Variants in ZBTB18 observed in about 807,000 individuals in gnomAD.
The protein encoded by ZBTB18 is zinc finger and BTB domain-containing protein 18.
A neutral mutation model predicts 37.7 loss-of-function variants in ZBTB18; 2 were observed. That is an observed-to-expected ratio of 0.05 (90% CI 0.02 to 0.17). The LOEUF (loss-of-function observed/expected upper bound fraction) is 0.17, where lower values mean the gene tolerates loss of function less well. Ranked by LOEUF, ZBTB18 falls within the 10% of genes least tolerant of loss-of-function variation. The pLI is 1.00. For synonymous variants in ZBTB18, 304 were observed against 276.5 expected (o/e 1.10, Z -0.99); for missense variants, 408 against 686.3 (o/e 0.59, Z 4.53).
rs1426317115 is a variant in ZBTB18 at position 244,051,417 on chromosome 1, G to A, written c.-15G>A. ...GGAGCCAGCAGGACTCAGAGGAAAG[G>A]ACTTAATCAGGTTTATGTGTCCTAA... On this transcript the variant is annotated 5_prime_UTR_variant, in exon 1 of 2. Transcript: ENST00000358704. The A allele has an allele frequency of 1.2e-5, 20 of 1,613,978 alleles. No individual in the cohort carries two copies. Among genetic ancestry groups the A allele is most frequent in the Non-Finnish European group, 1.7e-5 (20 of 1,180,000 alleles).
Position 244,053,066 on chromosome 1 carries a change from T to C in ZBTB18, c.14-722T>C, listed in dbSNP as rs900725389. Among the ~76,000 whole-genome samples the C allele has an allele frequency of 6.6e-6, 1 of 152,222 alleles. No individual in the cohort carries two copies. The highest frequency in any genetic ancestry group is 2.4e-5 in the African/African-American group (1 of 41,466). ...TTTGAAAAATCTTTGGATTTGTTCA[T>C]AGTAAAGATGATCTTTTCCATCTGT... is the stretch of plus-strand genomic sequence containing the variant. On this transcript the variant is annotated intron_variant, in intron 1 of 1. Transcript: ENST00000358704. The surrounding 1 kb of genome is among the most constrained non-coding windows in gnomAD (Gnocchi z 5.2).
upstream of ZBTB18, among the ~76,000 whole-genome samples, chr1:244,050,046 T>G (rs1190798063): frequency 6.6e-6 from 1 of 152,232 alleles, no homozygotes; most frequent in Non-Finnish European, 1.5e-5. Flanking sequence ...TTCATAATTA[T>G]GTCACTCACC....
At chr1:244,050,263 A>C (rs766642587), upstream of ZBTB18, among the ~76,000 whole-genome samples, 5 of 152,162 alleles carry the variant, frequency 3.3e-5, no homozygotes, top group Non-Finnish European at 7.3e-5. Context: ...TGTATTTGAC[A>C]TTCAGAGATG....
Position 244,054,191 on chromosome 1 carries a change from GGAA to G in ZBTB18, c.423_425del (p.Glu141del). ...CCACGGAGGCAGACAGCACCAAAAA[GGAA>G]GAAGATGCTTCAAGTTGTTCGGACA... On this transcript the variant is annotated inframe_deletion, in exon 2 of 2. Transcript: ENST00000358704. The surrounding 1 kb of genome is among the most constrained non-coding windows in gnomAD (Gnocchi z 9.0). The G allele has an allele frequency of 6.2e-7, 1 of 1,614,174 alleles. No individual in the cohort carries two copies. Among genetic ancestry groups the G allele is most frequent in the Non-Finnish European group, 8.5e-7 (1 of 1,180,038 alleles).
In ZBTB18 at chr1:244,053,711, A is replaced by C; in HGVS notation, c.14-77A>C. 1 of 1,526,290 alleles carries C rather than the reference A, an allele frequency of 6.6e-7. No homozygotes were observed. Among genetic ancestry groups the C allele is most frequent in the Non-Finnish European group, 8.8e-7 (1 of 1,139,886 alleles). 94.5% of individuals were successfully genotyped at this position (1,526,290 alleles called of 1,614,324 possible). On this transcript the variant is annotated intron_variant, in intron 1 of 1. Coordinates refer to ENST00000358704, the MANE Select transcript of ZBTB18 (RefSeq NM_205768.3). This position sits in a 1 kb window ranked among gnomAD's most constrained non-coding sequence, Gnocchi z 5.2. ...GTACCACGGCGGCCAAAGCGGAATT[A>C]ATTTTTTTATATGGGGACTGGAGCG...
In ZBTB18 at chr1:244,056,663, C is replaced by G. The variant is rs575317188; in HGVS notation, c.*1293C>G. 5.5e-5 allele frequency: 9 copies of G among 163,954 alleles called. No individual in the cohort carries two copies. Among genetic ancestry groups the G allele is most frequent in the Admixed American group, 1.3e-4 (2 of 15,000 alleles). 10.2% of individuals were successfully genotyped at this position (163,954 alleles called of 1,614,324 possible). A position where few individuals can be genotyped will look rare whatever the true frequency, so the allele number is the denominator to read the frequency against. On this transcript the variant is annotated 3_prime_UTR_variant, in exon 2 of 2. Transcript: ENST00000358704. ...TACCCTCCCTCCCTTACTCTCCCCC[C>G]CCACCACCACCCTCCACCCCCAACT...
chr1:244,053,167 A>G lies in ZBTB18; in HGVS notation c.14-621A>G, dbSNP rs1558148530. ...AAGGCATTAACATCTGTTTTTATAC[A>G]CAGGGCTTTTGTTGTAACACCCTGA... On this transcript the variant is annotated intron_variant, in intron 1 of 1. Coordinates refer to ENST00000358704, the MANE Select transcript of ZBTB18 (RefSeq NM_205768.3). The surrounding 1 kb of genome is among the most constrained non-coding windows in gnomAD (Gnocchi z 5.2). Among the ~76,000 whole-genome samples the G allele has an allele frequency of 6.6e-6, 1 of 152,200 alleles. No individual in the cohort carries two copies. The highest frequency in any genetic ancestry group is 2.4e-5 in the African/African-American group (1 of 41,452).
chr1:244,052,732 A>T (rs1178155608), intron 1 of ZBTB18, among the ~76,000 whole-genome samples: 5 of 152,208 alleles, frequency 3.3e-5, no homozygotes, highest in African/African-American at 1.2e-4. Context: ...GAAATATATC[A>T]AATTATATTG....
At chr1:244,048,520 A>C (rs1657912956), upstream of ZBTB18, among the ~76,000 whole-genome samples, 1 of 148,734 alleles carries the variant, frequency 6.7e-6, no homozygotes, top group Non-Finnish European at 1.5e-5. Context: ...GGAGGGAGGC[A>C]GGGGAAGGAG....
intron 1 of ZBTB18, among the ~76,000 whole-genome samples, chr1:244,052,292 A>G (rs557929724): frequency 3.1e-4 from 47 of 152,258 alleles, no homozygotes; most frequent in African/African-American, 1.0e-3. Context: ...GCTGCCCTCC[A>G]ATCTTTATTT....
At position 244,054,495 on chromosome 1, in the gene ZBTB18, G is replaced by T; in HGVS notation, c.721G>T (p.Asp241Tyr). ...LSQRSVTSVR[D>Y]SADVDCVLDL... ...CCAGAGGTCTGTCACCTCCGTGAGG[G>T]ATTCGGCAGATGTTGACTGTGTGCT... Residue 241 changes from aspartate to tyrosine, a missense_variant, in exon 2 of 2, where the codon GAT becomes TAT. Physicochemically the swap from Asp to Tyr is radical, Grantham distance 160. This residue lies in a region of ZBTB18 where 266 missense variants were observed against 312.0 expected (regional missense o/e 0.85). Transcript: ENST00000358704. The surrounding 1 kb of genome is among the most constrained non-coding windows in gnomAD (Gnocchi z 9.0). 6.2e-7 allele frequency: 1 copy of T among 1,614,212 alleles called. No individual in the cohort carries two copies. Among genetic ancestry groups the T allele is most frequent in the Non-Finnish European group, 8.5e-7 (1 of 1,180,036 alleles).
In ZBTB18 at chr1:244,056,687, C is replaced by A. The variant is rs1299562898; in HGVS notation, c.*1317C>A. ...CCCCACCACCACCCTCCACCCCCAA[C>A]TCATGAAAAGATTCTATGGACTGAA... On this transcript the variant is annotated 3_prime_UTR_variant, in exon 2 of 2. Coordinates refer to ENST00000358704, the MANE Select transcript of ZBTB18 (RefSeq NM_205768.3). 6.5e-6 allele frequency: 1 copy of A among 154,694 alleles called. No homozygotes were observed. 9.6% of individuals were successfully genotyped at this position (154,694 alleles called of 1,614,324 possible).
In ZBTB18 at chr1:244,051,320, CCT is replaced by C. The variant is rs1237991319; in HGVS notation, c.-107_-106del. 6.9e-6 allele frequency: 8 copies of C among 1,165,382 alleles called. No individual in the cohort carries two copies. The highest frequency in any genetic ancestry group is 1.0e-5 in the Non-Finnish European group (8 of 791,386). 72.2% of individuals were successfully genotyped at this position (1,165,382 alleles called of 1,614,324 possible). Reference sequence around the variant, plus strand: ...TCTGTGGTGGAGAAGGTATCTCATTCCTCTCTAACATCATCTCCACTTTGCAT... The same window carrying C: ...TCTGTGGTGGAGAAGGTATCTCATTCCTCTAACATCATCTCCACTTTGCAT... On this transcript the variant is annotated 5_prime_UTR_variant, in exon 1 of 2. Coordinates refer to ENST00000358704, the MANE Select transcript of ZBTB18 (RefSeq NM_205768.3).
rs112455960 is a variant in ZBTB18 at position 244,055,389 on chromosome 1, A to AAT, written c.*33_*34dup. On this transcript the variant is annotated 3_prime_UTR_variant, in exon 2 of 2. Transcript: ENST00000358704. This position sits in a 1 kb window ranked among gnomAD's most constrained non-coding sequence, Gnocchi z 7.0. ...GAAATAATTTTATATATATATAAATAATATATATATATATACATATATATA... is the reference window on the plus strand; with the variant it reads ...GAAATAATTTTATATATATATAAATAATATATATATATATATACATATATATA... 1.5e-3 allele frequency: 945 copies of AAT among 650,572 alleles called. No individual in the cohort carries two copies. Among genetic ancestry groups the AAT allele is most frequent in the East Asian group, 3.1e-3 (71 of 22,948 alleles). The allele number at this position is 650,572 out of a possible 1,614,324, so 40.3% of individuals were successfully genotyped here.
chr1:244,050,097 GAGA>G (rs944217766), upstream of ZBTB18, among the ~76,000 whole-genome samples: 6 of 152,234 alleles, frequency 3.9e-5, no homozygotes, highest in African/African-American at 4.8e-5. Context: ...TTGGGAAAGC[GAGA>G]AGGACAGGAC....
upstream of ZBTB18, among the ~76,000 whole-genome samples, chr1:244,049,319 G>A (rs1698302014): frequency 6.8e-6 from 1 of 147,690 alleles, no homozygotes; most frequent in Non-Finnish European, 1.5e-5. Flanking sequence ...CTCCCGGCCG[G>A]TGCAGCTGCG....
At chr1:244,051,882 C>T (rs1334720983) in intron 1 of ZBTB18, among the ~76,000 whole-genome samples, 1 of 152,074 alleles carries the variant, frequency 6.6e-6, no homozygotes, top group Non-Finnish European at 1.5e-5. Flanking sequence ...AAACTTTATT[C>T]TTCAAAACAT....
upstream of ZBTB18, among the ~76,000 whole-genome samples, chr1:244,049,299 G>C (rs1698300855): frequency 6.8e-6 from 1 of 146,506 alleles, no homozygotes; most frequent in Non-Finnish European, 1.5e-5. Context: ...CAGCTGCGGC[G>C]CGGGGCGGGC....
Position 244,053,579 on chromosome 1 carries a change from G to T in ZBTB18, c.14-209G>T. On this transcript the variant is annotated intron_variant, in intron 1 of 1. Transcript: ENST00000358704. This position sits in a 1 kb window ranked among gnomAD's most constrained non-coding sequence, Gnocchi z 5.2. ...GGAGATGCGTCGGAAGCTCTTTGGCGGGGGTGAGGAAGTTCAGAAAGTGTG... is the reference window on the plus strand; with the variant it reads ...GGAGATGCGTCGGAAGCTCTTTGGCTGGGGTGAGGAAGTTCAGAAAGTGTG... 3.6e-6 allele frequency: 1 copy of T among 281,528 alleles called. No individual in the cohort carries two copies. The highest frequency in any genetic ancestry group is 5.4e-6 in the Non-Finnish European group (1 of 186,364). 17.4% of individuals were successfully genotyped at this position (281,528 alleles called of 1,614,324 possible). A position where few individuals can be genotyped will look rare whatever the true frequency, so the allele number is the denominator to read the frequency against.
Sources: gnomAD v4.1 joint callset for allele counts (sites outside exome capture counted in the v4.1 genomes callset) on GRCh38, gnomAD v4.1.1 for gene constraint, gnomAD v4.1.1 regional missense constraint, Gnocchi (gnomAD v3.1) non-coding constraint, MANE v1.5 for transcripts, NCBI Gene and HGNC (gene_info 2026-07-23, HGNC 2026-07-21) for gene names.